Variants in KALRN observed in about 807,000 individuals in gnomAD.
KALRN encodes the protein kalirin.
In KALRN, 70 loss-of-function variants were observed where a neutral mutation model predicts 353.7. That is an observed-to-expected ratio of 0.20 (90% CI 0.16 to 0.24). KALRN has a LOEUF of 0.24. KALRN is among the 10% of genes least tolerant of loss of function. The pLI is 1.00. For synonymous variants in KALRN, 1,391 were observed against 1,434.8 expected (o/e 0.97, Z 0.69); for missense variants, 2,791 against 3,756.7 (o/e 0.74, Z 6.72).
At chr3:124,706,159 G>A (rs2062604390) in intron 57 of KALRN, among the ~76,000 whole-genome samples, 1 of 152,126 alleles carries the variant, frequency 6.6e-6, no homozygotes, top group East Asian at 1.9e-4. Flanking sequence ...CTCCCGCCTT[G>A]GCCTCCCAAA....
chr3:124,387,746 T>A (rs1290602684), intron 11 of KALRN, among the ~76,000 whole-genome samples: 5 of 152,204 alleles, frequency 3.3e-5, no homozygotes, highest in African/African-American at 1.2e-4. Context: ...CAAAGGGGTT[T>A]ATGGTTATGA....
chr3:124,555,780 G>C (rs1179533181), intron 33 of KALRN, among the ~76,000 whole-genome samples: 1 of 152,146 alleles, frequency 6.6e-6, no homozygotes, highest in African/African-American at 2.4e-5. Flanking sequence ...ATCACCTGCT[G>C]TGTGCCAGGC....
intron 1 of KALRN, among the ~76,000 whole-genome samples, chr3:124,193,750 T>C (rs2075163486): frequency 6.6e-6 from 1 of 152,184 alleles, no homozygotes; most frequent in South Asian, 2.1e-4. Context: ...CTCGAGTCTT[T>C]GTTTCACTTT....
chr3:124,543,643 G>A (rs1439613086), intron 33 of KALRN, among the ~76,000 whole-genome samples: 1 of 151,300 alleles, frequency 6.6e-6, no homozygotes, highest in Non-Finnish European at 1.5e-5. Context: ...CTTTTAATGT[G>A]GCATTTTCTT....
At chr3:124,376,785 T>A (rs76990811) in intron 10 of KALRN, among the ~76,000 whole-genome samples, 1 of 152,130 alleles carries the variant, frequency 6.6e-6, no homozygotes, top group Non-Finnish European at 1.5e-5. Flanking sequence ...GAGTGACTAT[T>A]GAAAGGAGAG....
At chr3:124,681,698 C>T (rs1244147979) in intron 51 of KALRN, among the ~76,000 whole-genome samples, 1 of 143,204 alleles carries the variant, frequency 7.0e-6, no homozygotes, top group Non-Finnish European at 1.5e-5. Flanking sequence ...GGTATGACCT[C>T]GGCTTACTGC....
intron 2 of KALRN, among the ~76,000 whole-genome samples, chr3:124,228,813 A>G (rs2078856646): frequency 6.6e-6 from 1 of 151,962 alleles, no homozygotes; most frequent in Admixed American, 6.6e-5. Context: ...TCTAGGGGTC[A>G]GCAGGGCTGT....
At chr3:124,271,410 C>A (rs2074153894) in intron 5 of KALRN, among the ~76,000 whole-genome samples, 1 of 152,220 alleles carries the variant, frequency 6.6e-6, no homozygotes, top group Non-Finnish European at 1.5e-5. Flanking sequence ...CAGAAGTTCC[C>A]AGGTCAAGGA....
intron 1 of KALRN, among the ~76,000 whole-genome samples, chr3:124,035,702 G>A (rs1472894031): frequency 6.6e-6 from 1 of 152,146 alleles, no homozygotes; most frequent in African/African-American, 2.4e-5. Context: ...CTTTTCCCAG[G>A]GCCTTTCAAA....
intron 1 of KALRN, among the ~76,000 whole-genome samples, chr3:124,098,491 C>T (rs777406268): frequency 6.6e-6 from 1 of 152,236 alleles, no homozygotes; most frequent in Non-Finnish European, 1.5e-5. Flanking sequence ...GCCTCCCTGG[C>T]CCTCATGCCT....
At chr3:124,297,328 T>A (rs1056317557) in intron 5 of KALRN, among the ~76,000 whole-genome samples, 1 of 152,242 alleles carries the variant, frequency 6.6e-6, no homozygotes, top group Non-Finnish European at 1.5e-5. Context: ...GCTGTGGCCT[T>A]TAGTCCATCC....
At chr3:124,249,923 G>T (rs974232091) in intron 3 of KALRN, among the ~76,000 whole-genome samples, 1 of 152,176 alleles carries the variant, frequency 6.6e-6, no homozygotes, top group Non-Finnish European at 1.5e-5. Flanking sequence ...AAACCATGGG[G>T]ATCTCATCAG....
intron 5 of KALRN, among the ~76,000 whole-genome samples, chr3:124,278,458 G>GGTGTGTGTGTGTGTGT (rs55855993): frequency 2.0e-4 from 29 of 145,500 alleles, no homozygotes; most frequent in East Asian, 1.3e-3. Context: ...GGACACTTCA[G>GGTGTGTGTGTGTGTGT]GTGTGTGTGT....
At position 124,163,797 on chromosome 3, in the gene KALRN, A is replaced by G. The variant is rs531383075; in HGVS notation, c.74-64193A>G. 213 of 985,440 alleles carry G rather than the reference A, an allele frequency of 2.2e-4. No homozygotes were observed. The African/African-American group carries it at 3.3e-3, about 15-fold the overall frequency. The allele number at this position is 985,440 out of a possible 1,614,324, so 61.0% of individuals were successfully genotyped here. A position where few individuals can be genotyped will look rare whatever the true frequency, so the allele number is the denominator to read the frequency against. The stretch of plus-strand genomic sequence containing the variant: ...TCCTTCTCCTTCCAAACTTCCCTGT[A>G]TGTCATCTTGCTCCTGGGCCACCTG... On this transcript the variant is annotated intron_variant, in intron 1 of 59. Coordinates refer to ENST00000682506, the MANE Select transcript of KALRN (RefSeq NM_001388419.1).
chr3:124,231,870 G>GT (rs2079199242), intron 2 of KALRN, among the ~76,000 whole-genome samples: 1 of 152,106 alleles, frequency 6.6e-6, no homozygotes, highest in African/African-American at 2.4e-5. Context: ...ATTGTCCTCT[G>GT]TAATTTCAGC....
chr3:124,096,817 A>G (rs1415589261), intron 1 of KALRN: 1 of 152,248 alleles, frequency 6.6e-6, no homozygotes, highest in Non-Finnish European at 1.5e-5. Context: ...GTTAGTGCAT[A>G]TACAGTGTCA....
intron 15 of KALRN, 85 bp from the exon 16 acceptor site, chr3:124,430,571 C>A: frequency 6.6e-7 from 1 of 1,516,276 alleles, no homozygotes; most frequent in Non-Finnish European, 9.0e-7. Context: ...GTGAGCTCTC[C>A]AACTGAAGTC....
intron 25 of KALRN, among the ~76,000 whole-genome samples, chr3:124,470,729 T>C (rs956031098): frequency 2.0e-5 from 3 of 152,018 alleles, no homozygotes; most frequent in Non-Finnish European, 4.4e-5. Flanking sequence ...CAGAAGGCAA[T>C]GTACAACCAG....
intron 28 of KALRN, 57 bp downstream of exon 28, chr3:124,482,957 TC>T: frequency 1.7e-6 from 2 of 1,206,752 alleles, no homozygotes; most frequent in Non-Finnish European, 2.5e-6. Flanking sequence ...GGCAAGGGAG[TC>T]CCAGCTTTGG....
Sources: gnomAD v4.1 joint callset for allele counts (sites outside exome capture counted in the v4.1 genomes callset) on GRCh38, gnomAD v4.1.1 for gene constraint, MANE v1.5 for transcripts, NCBI Gene and HGNC (gene_info 2026-07-23, HGNC 2026-07-21) for gene names.